Variants in USP7 observed in about 807,000 individuals in gnomAD.
USP7 encodes ubiquitin specific peptidase 7, also known as ubiquitin C-terminal hydrolase 7.
USP7 carries 9 observed loss-of-function variants against 162.9 expected under a neutral mutation model. That is an observed-to-expected ratio of 0.06 (90% CI 0.03 to 0.10). The LOEUF (loss-of-function observed/expected upper bound fraction) is 0.10, where lower values mean the gene tolerates loss of function less well. Among genes scored for constraint, USP7 ranks in the 10% least tolerant of loss-of-function variants. The pLI, the probability that USP7 is intolerant of heterozygous loss-of-function variation, is 1.00. For synonymous variants in USP7, 562 were observed against 475.9 expected, an observed-to-expected ratio of 1.18 and a Z score of -2.35; for missense variants, 715 against 1,373.7, an observed-to-expected ratio of 0.52 and a Z score of 7.58.
At chr16:8,911,491 G>A (rs544241946) in intron 10 of USP7, among the ~76,000 whole-genome samples, 8 of 152,288 alleles carry the variant, frequency 5.3e-5, no homozygotes, top group African/African-American at 1.7e-4. Context: ...TGGAGAGCTC[G>A]TCCTGCTCCG....
chr16:8,921,089 A>T, intron 4 of USP7, 68 bp downstream of exon 4: 1 of 1,521,380 alleles, frequency 6.6e-7, no homozygotes, highest in East Asian at 2.3e-5. Context: ...GACTTGAAAA[A>T]TCAAAAAGTT....
Position 8,893,729 on chromosome 16 carries a change from C to G in USP7, c.*269G>C. On this transcript the variant is annotated 3_prime_UTR_variant, in exon 31 of 31. Transcript: ENST00000344836. ...CCCCGATCCACTAACCTCTTCTCCC[C>G]CATTGCGCTGACAGTTGCCTTGCAC... The G allele has an allele frequency of 2.5e-6, 1 of 399,952 alleles. No individual in the cohort carries two copies. The highest frequency in any genetic ancestry group is 5.3e-5 in the East Asian group (1 of 18,870). 24.8% of individuals were successfully genotyped at this position (399,952 alleles called of 1,614,324 possible).
intron 1 of USP7, among the ~76,000 whole-genome samples, chr16:8,952,876 G>C (rs1303180074): frequency 1.3e-5 from 2 of 150,272 alleles, no homozygotes; most frequent in African/African-American, 4.9e-5. Context: ...TCTTGTTGTC[G>C]CCCAGGCTAG....
At chr16:8,908,091 T>C (rs1168988511) in intron 12 of USP7, among the ~76,000 whole-genome samples, 1 of 152,208 alleles carries the variant, frequency 6.6e-6, no homozygotes. Flanking sequence ...AAATCAGCCA[T>C]AGCTGAGAGC....
intron 1 of USP7, among the ~76,000 whole-genome samples, chr16:8,931,265 T>C (rs549088605): frequency 6.6e-6 from 1 of 152,088 alleles, no homozygotes; most frequent in East Asian, 1.9e-4. Context: ...CTCAGCTCAC[T>C]GCTACCTCTG....
intron 25 of USP7, 199 bp from the exon 26 acceptor site, chr16:8,897,298 C>T: frequency 1.8e-6 from 1 of 547,546 alleles, no homozygotes; most frequent in South Asian, 2.4e-5. Flanking sequence ...CTAGGACCAA[C>T]CAAATACTGA....
In USP7 at chr16:8,963,258, G is replaced by T; in HGVS notation, c.28C>A (p.Gln10Lys). 7.8e-7 allele frequency: 1 copy of T among 1,286,770 alleles called. No individual in the cohort carries two copies. The highest frequency in any genetic ancestry group is 1.0e-6 in the Non-Finnish European group (1 of 992,478). The allele number at this position is 1,286,770 out of a possible 1,614,324, so 79.7% of individuals were successfully genotyped here. ...CTCAACTGCTGCTCGCCCGCTTTCTGCTGCTGCTGCTGCTGCTGGTGGTTC... is the reference window on the plus strand; with the variant it reads ...CTCAACTGCTGCTCGCCCGCTTTCTTCTGCTGCTGCTGCTGCTGGTGGTTC... MNHQQQQQQQKAGEQQLSEP... is the reference protein window; with the variant it reads MNHQQQQQQKKAGEQQLSEP... The change falls in exon 1 of 31, where the codon CAG (glutamine) becomes AAG (lysine). Residue 10 changes from glutamine to lysine, a missense_variant. By Grantham distance (53) the Gln-to-Lys change is moderately conservative. This residue lies in a region of USP7 where 137 missense variants were observed against 123.5 expected (regional missense o/e 1.11). Transcript: ENST00000344836.
chr16:8,896,464 T>C lies in USP7; in HGVS notation c.2819+535A>G, dbSNP rs189484142. On this transcript the variant is annotated intron_variant, in intron 26 of 30. Coordinates refer to ENST00000344836, the MANE Select transcript of USP7 (RefSeq NM_003470.3). ...ACCAAATGGCTCCAAAAGCCATTTG[T>C]CCTCCAAGCGACTACAGGGCAAAGT... is the stretch of plus-strand genomic sequence containing the variant. 4.2e-3 allele frequency among the ~76,000 whole-genome samples: 647 copies of C among 152,284 alleles called. 6 individuals are homozygous for C. The highest frequency in any genetic ancestry group is 0.014 in the African/African-American group (600 of 41,554).
chr16:8,931,166 C>A (rs1298574810), intron 1 of USP7, among the ~76,000 whole-genome samples: 1 of 151,258 alleles, frequency 6.6e-6, no homozygotes, highest in Non-Finnish European at 1.5e-5. Flanking sequence ...ATATTTTAAA[C>A]GTTTTCATCA....
intron 8 of USP7, among the ~76,000 whole-genome samples, chr16:8,916,004 G>A (rs748763196): frequency 1.3e-5 from 2 of 152,230 alleles, no homozygotes; most frequent in Non-Finnish European, 2.9e-5. Flanking sequence ...TTCATGTTGT[G>A]TGTGTGTGCT....
Position 8,894,647 on chromosome 16 carries a change from G to C in USP7, c.3112-7C>G. 1 of 1,611,020 alleles carries C rather than the reference G, an allele frequency of 6.2e-7. No homozygotes were observed. Among genetic ancestry groups the C allele is most frequent in the Non-Finnish European group, 8.5e-7 (1 of 1,179,010 alleles). On this transcript the variant is annotated splice_region_variant and splice_polypyrimidine_tract_variant and intron_variant, in intron 29 of 30. Transcript: ENST00000344836. ...TTACAATTGCAAATTTAAACTAAAA[G>C]AAAAAAAATTAAAACTCCTCCGTTA...
rs1318705619 is a variant in USP7, at chr16:8,963,692, G to C, written c.-407C>G. 3.5e-5 allele frequency among the ~76,000 whole-genome samples: 5 copies of C among 142,664 alleles called. No individual in the cohort carries two copies. Among genetic ancestry groups the C allele is most frequent in the African/African-American group, 5.0e-5 (2 of 39,790 alleles). 93.6% of individuals were successfully genotyped at this position (142,664 alleles called of 152,430 possible). A position where few individuals can be genotyped will look rare whatever the true frequency, so the allele number is the denominator to read the frequency against. ...GGGCCGCGGAGTCAGCCCCGCCTCG[G>C]GCCGGGCGCGGCGGACGGGAGGCCT... is the stretch of plus-strand genomic sequence containing the variant. On this transcript the variant is annotated 5_prime_UTR_variant, in exon 1 of 31. Coordinates refer to ENST00000344836, the MANE Select transcript of USP7 (RefSeq NM_003470.3).
intron 1 of USP7, 29 bp from the exon 2 acceptor site, chr16:8,930,426 GT>G: frequency 6.5e-7 from 1 of 1,548,398 alleles, no homozygotes. Flanking sequence ...AATTCCACGG[GT>G]TTTACATTCA....
At chr16:8,906,316 T>A (rs936571280) in intron 13 of USP7, 110 bp downstream of exon 13, 21 of 1,259,514 alleles carry the variant, frequency 1.7e-5, no homozygotes, top group Non-Finnish European at 2.1e-5. Context: ...AATACATAGA[T>A]CAGTTAGGGG....
intron 1 of USP7, among the ~76,000 whole-genome samples, chr16:8,937,418 T>C (rs1464230102): frequency 6.6e-6 from 1 of 152,210 alleles, no homozygotes; most frequent in Non-Finnish European, 1.5e-5. Flanking sequence ...GGCGCATGCC[T>C]GTAATCCCAG....
At chr16:8,945,042 A>G (rs1899217164) in intron 1 of USP7, among the ~76,000 whole-genome samples, 1 of 152,244 alleles carries the variant, frequency 6.6e-6, no homozygotes, top group South Asian at 2.1e-4. Context: ...ACCTGAGGTC[A>G]GGAGTTCAAG....
intron 1 of USP7, among the ~76,000 whole-genome samples, chr16:8,934,086 G>A (rs1379061565): frequency 2.6e-5 from 4 of 152,266 alleles, no homozygotes; most frequent in East Asian, 1.9e-4. Context: ...TTTGCTAGAC[G>A]TACACCCAGT....
At chr16:8,962,530 C>T (rs1279215204) in intron 1 of USP7, 3 of 447,824 alleles carry the variant, frequency 6.7e-6, no homozygotes, top group Non-Finnish European at 1.4e-5. Flanking sequence ...AGGGCTTTCG[C>T]ACGGTTGCAA....
chr16:8,920,319 A>G (rs1348355710), intron 5 of USP7, 40 bp downstream of exon 5: 5 of 1,558,130 alleles, frequency 3.2e-6, no homozygotes, highest in Admixed American at 1.8e-5. Context: ...CTGCAGCACA[A>G]AAGACATTTT....
Sources: allele counts gnomAD v4.1 joint callset (sites outside exome capture counted in the v4.1 genomes callset), GRCh38; gene constraint gnomAD v4.1.1; regional missense constraint gnomAD v4.1.1; transcripts MANE v1.5; gene names NCBI Gene and HGNC (gene_info 2026-07-23, HGNC 2026-07-21).